SLC15A5: variants seen among roughly 807,000 people sequenced by gnomAD.
SLC15A5 encodes the protein solute carrier family 15 member 5, also known as Peptide/histidine transporter ENSP00000340402.
Under a neutral mutation model 56.1 loss-of-function variants are expected in SLC15A5, and 58 were observed. The observed-to-expected ratio is 1.03, with a 90% CI of 0.84 to 1.29. The LOEUF is 1.29. Ranked by LOEUF, SLC15A5 falls within the 50% of genes most tolerant of loss-of-function variation. SLC15A5 has a pLI of 0.00. For missense variants in SLC15A5, 681 were observed against 672.1 expected (o/e 1.01, Z -0.15); for synonymous variants, 264 against 250.5 (o/e 1.05, Z -0.51).
chr12:16,205,604 CACACACATATATAT>C (rs1194957377), intron 7 of SLC15A5, among the ~76,000 whole-genome samples: 2 of 105,512 alleles, frequency 1.9e-5, no homozygotes, highest in African/African-American at 3.4e-5. Flanking sequence ...TATACACACA[CACACACATATATAT>C]ACACATATAT....
At chr12:16,239,580 T>C in intron 5 of SLC15A5, 101 bp downstream of exon 5, 1 of 1,169,006 alleles carries the variant, frequency 8.6e-7, no homozygotes, top group South Asian at 1.7e-5. Flanking sequence ...ATTATCAAAA[T>C]CTGACACTAC....
At chr12:16,234,185 A>G (rs1864325693) in intron 5 of SLC15A5, among the ~76,000 whole-genome samples, 1 of 152,172 alleles carries the variant, frequency 6.6e-6, no homozygotes, top group South Asian at 2.1e-4. Context: ...AATGAATTCT[A>G]TCAAGACCTT....
chr12:16,212,861 T>C (rs930118703), intron 7 of SLC15A5, among the ~76,000 whole-genome samples: 5 of 152,152 alleles, frequency 3.3e-5, no homozygotes, highest in Non-Finnish European at 5.9e-5. Flanking sequence ...TGGGTTGACA[T>C]TTATTAAAGA....
intron 3 of SLC15A5, among the ~76,000 whole-genome samples, chr12:16,256,371 C>T (rs1204769808): frequency 1.3e-5 from 2 of 152,102 alleles, no homozygotes; most frequent in East Asian, 3.9e-4. Context: ...CAAAAACAGA[C>T]ATTATGCCTC....
At chr12:16,191,694 T>G (rs1863839622) in intron 8 of SLC15A5, among the ~76,000 whole-genome samples, 1 of 152,078 alleles carries the variant, frequency 6.6e-6, no homozygotes, top group Non-Finnish European at 1.5e-5. Context: ...CAGACACTGG[T>G]CTTTCTCTCT....
intron 7 of SLC15A5, among the ~76,000 whole-genome samples, chr12:16,205,051 TC>T (rs1438087716): frequency 6.6e-6 from 1 of 151,926 alleles, no homozygotes; most frequent in African/African-American, 2.4e-5. Flanking sequence ...ATCACAATAT[TC>T]TTAAAGTATC....
intron 6 of SLC15A5, among the ~76,000 whole-genome samples, chr12:16,224,001 C>T (rs1864213916): frequency 6.6e-6 from 1 of 152,180 alleles, no homozygotes; most frequent in African/African-American, 2.4e-5. Context: ...CAGGCGTGAG[C>T]CACCGCACCC....
At chr12:16,190,081 G>C (rs561007652) in intron 8 of SLC15A5, among the ~76,000 whole-genome samples, 1 of 152,306 alleles carries the variant, frequency 6.6e-6, no homozygotes, top group East Asian at 1.9e-4. Flanking sequence ...CTGACAGAGA[G>C]ATGGTGAGAA....
At chr12:16,193,823 GAGAGAGAGAGAGAGAGAGAGA>G (rs1565654516) in intron 8 of SLC15A5, among the ~76,000 whole-genome samples, 12 of 113,648 alleles carry the variant, frequency 1.1e-4, no homozygotes, top group African/African-American at 3.5e-4. Context: ...GAGAGAGAGA[GAGAGAGAGAGAGAGAGAGAGA>G]GGCTGGCAAT....
chr12:16,260,757 C>CG (rs1216080288), intron 2 of SLC15A5, among the ~76,000 whole-genome samples: 2 of 118,494 alleles, frequency 1.7e-5, no homozygotes, highest in East Asian at 5.2e-4. Flanking sequence ...AGTATTTTCC[C>CG]GTTTTTTTTT....
In SLC15A5 at chr12:16,213,355, C is replaced by T. The variant is rs181741082; in HGVS notation, c.1483+3538G>A. On this transcript the variant is annotated intron_variant, in intron 7 of 8. Coordinates refer to ENST00000344941, the MANE Select transcript of SLC15A5 (RefSeq NM_001170798.1). ...TGAAATAGAAACTGAGAACACATAG[C>T]TAGACTACCTAGATTCAAATTCAGG... Among the ~76,000 whole-genome samples, 168 of 152,228 alleles carry T rather than the reference C, an allele frequency of 1.1e-3. 2 individuals are homozygous for T. The highest frequency in any genetic ancestry group is 7.4e-4 in the Non-Finnish European group (50 of 67,998).
rs1427542938 is a variant in SLC15A5, at chr12:16,243,179, AT to A, written c.975+1400del. On this transcript the variant is annotated intron_variant, in intron 4 of 8. Coordinates refer to ENST00000344941, the MANE Select transcript of SLC15A5 (RefSeq NM_001170798.1). The surrounding 1 kb of genome is among the most constrained non-coding windows in gnomAD (Gnocchi z 4.4). ...TAAAACTTCATTTATGGACGCTAAA[AT>A]TTAAATTTTATATATTTTTCTTTGC... Among the ~76,000 whole-genome samples the A allele has an allele frequency of 1.3e-5, 2 of 151,010 alleles. No homozygotes were observed. Among genetic ancestry groups the A allele is most frequent in the South Asian group, 4.2e-4 (2 of 4,798 alleles).
intron 5 of SLC15A5, among the ~76,000 whole-genome samples, chr12:16,229,707 C>T (rs1296617383): frequency 2.7e-5 from 4 of 149,844 alleles, no homozygotes; most frequent in East Asian, 2.0e-4. Context: ...TAAATGACCA[C>T]GTTTAATATT....
chr12:16,263,961 T>C (rs1864667957), intron 2 of SLC15A5, among the ~76,000 whole-genome samples: 1 of 152,212 alleles, frequency 6.6e-6, no homozygotes, highest in East Asian at 1.9e-4. Flanking sequence ...CAACCTCTGC[T>C]GGGGCAGTGT....
chr12:16,213,329 C>G (rs1345789944), intron 7 of SLC15A5, among the ~76,000 whole-genome samples: 1 of 152,132 alleles, frequency 6.6e-6, no homozygotes, highest in Non-Finnish European at 1.5e-5. Flanking sequence ...ATTATCATTA[C>G]TGAAATAGAA....
chr12:16,197,078 A>C (rs1186953560), intron 7 of SLC15A5, among the ~76,000 whole-genome samples: 3 of 144,440 alleles, frequency 2.1e-5, no homozygotes. Context: ...TGTGAGTGGG[A>C]TTATCTTAAA....
intron 5 of SLC15A5, among the ~76,000 whole-genome samples, chr12:16,226,349 G>A (rs1304555226): frequency 1.3e-5 from 2 of 151,958 alleles, no homozygotes; most frequent in Non-Finnish European, 2.9e-5. Flanking sequence ...TGCAGATGTG[G>A]ATCCCTTGAA....
At chr12:16,197,639 C>T (rs1415818201) in intron 7 of SLC15A5, among the ~76,000 whole-genome samples, 2 of 152,068 alleles carry the variant, frequency 1.3e-5, no homozygotes, top group African/African-American at 2.4e-5. Flanking sequence ...CTCCACAAAC[C>T]TTAGATTATC....
At chr12:16,217,114 A>T in intron 6 of SLC15A5, 90 bp from the exon 7 acceptor site, 2 of 1,344,300 alleles carry the variant, frequency 1.5e-6, no homozygotes, top group Non-Finnish European at 1.9e-6. Flanking sequence ...CATGTATCAA[A>T]GAAAATTTAC....
Sources: gnomAD v4.1 joint callset for allele counts (sites outside exome capture counted in the v4.1 genomes callset) on GRCh38, gnomAD v4.1.1 for gene constraint, Gnocchi (gnomAD v3.1) non-coding constraint, MANE v1.5 for transcripts, NCBI Gene and HGNC (gene_info 2026-07-23, HGNC 2026-07-21) for gene names.